Variants in STK32B observed in about 807,000 individuals in gnomAD.
STK32B encodes serine/threonine-protein kinase 32B.
A neutral mutation model predicts 52.6 loss-of-function variants in STK32B; 43 were observed. The ratio of observed to expected loss-of-function variants is 0.82; its 90% CI spans 0.64 to 1.05. The LOEUF is 1.05. Among genes scored for constraint, STK32B ranks in the 50% least tolerant of loss-of-function variants. The probability of loss-of-function intolerance (pLI) is 0.00; values close to 1 mark genes in which losing one functional copy is unlikely to be tolerated. For missense variants in STK32B, 621 were observed against 534.6 expected, an observed-to-expected ratio of 1.16 and a Z score of -1.59; for synonymous variants, 238 against 204.3, an observed-to-expected ratio of 1.17 and a Z score of -1.41.
At chr4:5,024,939 A>C in the STK32B span, among the ~76,000 whole-genome samples, 1 of 152,094 alleles carries the variant, frequency 6.6e-6, no homozygotes, top group Non-Finnish European at 1.5e-5. Context: ...CTTGGGACAC[A>C]GCCAGAGCTT....
intron 5 of STK32B, among the ~76,000 whole-genome samples, chr4:5,401,502 C>T (rs1737289791): frequency 6.6e-6 from 1 of 152,186 alleles, no homozygotes; most frequent in Non-Finnish European, 1.5e-5. Flanking sequence ...CTCTGCTCCC[C>T]TAGTGTCTGC....
At chr4:5,269,888 T>C (rs114037024) in intron 3 of STK32B, among the ~76,000 whole-genome samples, 1,689 of 142,928 alleles carry the variant, frequency 0.012, 20 homozygotes, top group African/African-American at 0.049. Context: ...TTTTAGAAAT[T>C]CAAATTCAAC....
At chr4:5,302,254 C>T (rs1395961190) in intron 3 of STK32B, among the ~76,000 whole-genome samples, 1 of 150,908 alleles carries the variant, frequency 6.6e-6, no homozygotes, top group Non-Finnish European at 1.5e-5. Flanking sequence ...CAGTGTATCC[C>T]CAGATTAACA....
intron 3 of STK32B, among the ~76,000 whole-genome samples, chr4:5,318,118 T>TGC (rs1731236121): frequency 6.6e-6 from 1 of 152,088 alleles, no homozygotes; most frequent in South Asian, 2.1e-4. Flanking sequence ...TGTGTGTGTG[T>TGC]GCACGCTTGT....
At chr4:5,462,985 T>TG (rs1258651848) in intron 9 of STK32B, among the ~76,000 whole-genome samples, 1 of 152,172 alleles carries the variant, frequency 6.6e-6, no homozygotes, top group Non-Finnish European at 1.5e-5. Flanking sequence ...AGTAAAGGTT[T>TG]GGGTCTCTTC....
At chr4:5,358,188 G>A (rs1429714284) in intron 4 of STK32B, among the ~76,000 whole-genome samples, 1 of 152,240 alleles carries the variant, frequency 6.6e-6, no homozygotes, top group Non-Finnish European at 1.5e-5. Context: ...CCCGCAATTG[G>A]GTGGAGAGTG....
intron 2 of STK32B, among the ~76,000 whole-genome samples, chr4:5,164,653 A>G (rs982575054): frequency 6.6e-6 from 1 of 152,156 alleles, no homozygotes; most frequent in African/African-American, 2.4e-5. Flanking sequence ...CTAGCTTTAC[A>G]CTGTATTATC....
At chr4:5,478,716 C>T (rs1577570602) in intron 11 of STK32B, among the ~76,000 whole-genome samples, 1 of 152,158 alleles carries the variant, frequency 6.6e-6, no homozygotes, top group Admixed American at 6.5e-5. Flanking sequence ...CTCTGCAGTA[C>T]CTTGGGGCTC....
chr4:5,189,683 T>C (rs1419749061), intron 3 of STK32B, among the ~76,000 whole-genome samples: 3 of 152,162 alleles, frequency 2.0e-5, no homozygotes, highest in African/African-American at 4.8e-5. Flanking sequence ...AGGAAAATGA[T>C]TGCTGGATTG....
intron 9 of STK32B, among the ~76,000 whole-genome samples, chr4:5,462,667 C>T (rs1366561565): frequency 1.3e-5 from 2 of 152,312 alleles, no homozygotes; most frequent in Admixed American, 6.5e-5. Flanking sequence ...GACAACAGTG[C>T]ACAGCCCCCA....
rs937662066 is a variant in STK32B at position 5,395,847 on chromosome 4, A to G, written c.435-2360A>G. ...TAGATCATGGGCTGAATTCTCCCAA[A>G]CAGAACAGCCCCTTTCCTTGGCTCT... On this transcript the variant is annotated intron_variant, in intron 4 of 11. Coordinates refer to ENST00000282908, the MANE Select transcript of STK32B (RefSeq NM_018401.3). The surrounding 1 kb of genome is among the most constrained non-coding windows in gnomAD (Gnocchi z 4.4). Among the ~76,000 whole-genome samples, 1 of 152,192 alleles carries G rather than the reference A, an allele frequency of 6.6e-6. No individual in the cohort carries two copies. Among genetic ancestry groups the G allele is most frequent in the African/African-American group, 2.4e-5 (1 of 41,452 alleles).
At chr4:5,070,445 A>G (rs988201975) in intron 1 of STK32B, among the ~76,000 whole-genome samples, 1 of 152,136 alleles carries the variant, frequency 6.6e-6, no homozygotes, top group African/African-American at 2.4e-5. Context: ...TTTAGAAAAT[A>G]TCTGTCATTG....
chr4:5,466,719 G>A lies in STK32B; in HGVS notation c.926G>A (p.Cys309Tyr). ...CCCCTTTAGAAAGGGAGGTTGAACT[G>A]CGATCCCACATTTGAGCTTGAAGAG... is the stretch of plus-strand genomic sequence containing the variant. ...GFVPNKGRLNCDPTFELEEMI... is the reference protein window; with the variant it reads ...GFVPNKGRLNYDPTFELEEMI... The change falls in exon 10 of 12, where the codon TGC becomes TAC. Residue 309 changes from cysteine (C) to tyrosine (Y), a missense_variant. Physicochemically the swap from Cys to Tyr is radical, Grantham distance 194. Transcript: ENST00000282908. 1.9e-6 allele frequency: 3 copies of A among 1,613,466 alleles called. No individual in the cohort carries two copies. Among genetic ancestry groups the A allele is most frequent in the Non-Finnish European group, 2.5e-6 (3 of 1,179,748 alleles).
intron 3 of STK32B, among the ~76,000 whole-genome samples, chr4:5,269,709 G>A (rs1727294950): frequency 1.3e-5 from 2 of 152,082 alleles, no homozygotes; most frequent in African/African-American, 4.8e-5. Context: ...AGAATTCACA[G>A]CATATTACAT....
At position 5,398,064 on chromosome 4, in the gene STK32B, C is replaced by T. The variant is rs1737033706; in HGVS notation, c.435-143C>T. On this transcript the variant is annotated intron_variant, in intron 4 of 11. Coordinates refer to ENST00000282908, the MANE Select transcript of STK32B (RefSeq NM_018401.3). The surrounding 1 kb of genome is among the most constrained non-coding windows in gnomAD (Gnocchi z 4.9). Reference sequence around the variant, plus strand: ...GTGTCCCATTATCTTACCAATTATTCTCCCACTCCATGTCTGAGGCTTCAG... The same window carrying T: ...GTGTCCCATTATCTTACCAATTATTTTCCCACTCCATGTCTGAGGCTTCAG... The T allele has an allele frequency of 1.3e-6, 1 of 752,242 alleles. No homozygotes were observed. Among genetic ancestry groups the T allele is most frequent in the Non-Finnish European group, 2.2e-6 (1 of 454,676 alleles). The allele number at this position is 752,242 out of a possible 1,614,324, so 46.6% of individuals were successfully genotyped here.
At chr4:5,484,119 C>T (rs1718952693) in intron 11 of STK32B, among the ~76,000 whole-genome samples, 1 of 152,134 alleles carries the variant, frequency 6.6e-6, no homozygotes, top group African/African-American at 2.4e-5. Context: ...TGGTGCAGAG[C>T]TGAGTTCAAT....
intron 6 of STK32B, among the ~76,000 whole-genome samples, chr4:5,445,992 C>A (rs1452688887): frequency 1.3e-5 from 2 of 152,164 alleles, no homozygotes; most frequent in Non-Finnish European, 2.9e-5. Flanking sequence ...GTTCTCAACC[C>A]CCTGGGGGTT....
intron 1 of STK32B, among the ~76,000 whole-genome samples, chr4:5,118,250 T>G (rs1714844562): frequency 6.6e-6 from 1 of 152,210 alleles, no homozygotes; most frequent in Admixed American, 6.5e-5. Context: ...TATTGGTCTG[T>G]TCACATATTT....
chr4:5,443,920 A>G (rs1468213562), intron 6 of STK32B, among the ~76,000 whole-genome samples: 1 of 152,178 alleles, frequency 6.6e-6, no homozygotes, highest in African/African-American at 2.4e-5. Context: ...CTCGGTGGTC[A>G]GGGGTCAGGC....
Sources: allele counts gnomAD v4.1 joint callset (sites outside exome capture counted in the v4.1 genomes callset), GRCh38; gene constraint gnomAD v4.1.1; non-coding constraint Gnocchi (gnomAD v3.1); transcripts MANE v1.5; gene names NCBI Gene and HGNC (gene_info 2026-07-23, HGNC 2026-07-21).